The following BCR variants were observed in gnomAD, a reference collection of about 807,000 sequenced individuals.
BCR encodes BCR activator of RhoGEF and GTPase, also known as breakpoint cluster region protein.
A neutral mutation model predicts 138.6 loss-of-function variants in BCR; 58 were observed. That is an observed-to-expected ratio of 0.42 (90% CI 0.34 to 0.52). BCR has a LOEUF of 0.52. Among genes scored for constraint, BCR ranks in the 20% least tolerant of loss-of-function variants. The pLI is 0.06. For missense variants in BCR, 1,599 were observed against 1,727.2 expected, an observed-to-expected ratio of 0.93 and a Z score of 1.32; for synonymous variants, 786 against 730.1, an observed-to-expected ratio of 1.08 and a Z score of -1.23.
chr22:23,216,383 T>G (rs2072752202), intron 1 of BCR, among the ~76,000 whole-genome samples: 1 of 152,184 alleles, frequency 6.6e-6, no homozygotes, highest in South Asian at 2.1e-4. Context: ...TATGGTAGTA[T>G]TATGTGAAAT....
chr22:23,242,492 T>C (rs569494007), intron 1 of BCR, among the ~76,000 whole-genome samples: 1 of 152,196 alleles, frequency 6.6e-6, no homozygotes, highest in South Asian at 2.1e-4. Flanking sequence ...CCGGTGTATT[T>C]TGGGATGGCA....
chr22:23,225,431 G>A (rs1206881438), intron 1 of BCR, among the ~76,000 whole-genome samples: 1 of 152,256 alleles, frequency 6.6e-6, no homozygotes, highest in African/African-American at 2.4e-5. Context: ...CCAAAGGCGA[G>A]ACCGCTGGCT....
At position 23,289,544 on chromosome 22, in the gene BCR, T is replaced by A; in HGVS notation, c.2630T>A (p.Val877Glu). The change falls in exon 13 of 23, where the codon GTG (valine) becomes GAG (glutamate). Residue 877 changes from valine to glutamate, a missense_variant. Val to Glu is a moderately radical substitution (Grantham distance 121). This residue lies in a region of BCR where 590 missense variants were observed against 762.4 expected (regional missense o/e 0.77). Transcript: ENST00000305877. ...TTCAGAAGCTTCTCCCTGACATCCG[T>A]GGAGCTGCAGATGCTGACCAACTCG... ...KCFRSFSLTS[V>E]ELQMLTNSCV... is the part of the protein sequence containing the mutation. 1.2e-6 allele frequency: 2 copies of A among 1,614,194 alleles called. No individual in the cohort carries two copies. Among genetic ancestry groups the A allele is most frequent in the Non-Finnish European group, 1.7e-6 (2 of 1,180,020 alleles).
intron 1 of BCR, among the ~76,000 whole-genome samples, chr22:23,227,538 T>A (rs2072908819): frequency 6.6e-6 from 1 of 152,214 alleles, no homozygotes; most frequent in Non-Finnish European, 1.5e-5. Context: ...GAGATCCCCA[T>A]CTGGGAGGAG....
chr22:23,280,595 A>G (rs574842716), intron 8 of BCR, among the ~76,000 whole-genome samples: 7 of 152,176 alleles, frequency 4.6e-5, no homozygotes, highest in African/African-American at 1.7e-4. Flanking sequence ...TCACCCCATC[A>G]TGTTTAAGGA....
At chr22:23,225,197 T>G (rs1386723799) in intron 1 of BCR, among the ~76,000 whole-genome samples, 1 of 152,004 alleles carries the variant, frequency 6.6e-6, no homozygotes, top group Non-Finnish European at 1.5e-5. Flanking sequence ...GGTGCTTTTT[T>G]TTTTTTTTTC....
intron 15 of BCR, among the ~76,000 whole-genome samples, chr22:23,293,799 C>T (rs964614241): frequency 2.6e-5 from 4 of 152,098 alleles, no homozygotes; most frequent in Non-Finnish European, 5.9e-5. Context: ...TCCTGGCGCA[C>T]ACACACACCC....
chr22:23,301,602 C>T (rs764970422), intron 16 of BCR, among the ~76,000 whole-genome samples: 14 of 152,358 alleles, frequency 9.2e-5, no homozygotes, highest in Non-Finnish European at 1.3e-4. Flanking sequence ...TTCTCTGTCC[C>T]GTGACCTCAC....
At chr22:23,250,587 TAA>T (rs2073213500) in intron 1 of BCR, among the ~76,000 whole-genome samples, 1 of 152,150 alleles carries the variant, frequency 6.6e-6, no homozygotes, top group South Asian at 2.1e-4. Context: ...CAAGCTAATG[TAA>T]AAGCCAAGTC....
At chr22:23,228,183 AT>A (rs2072915245) in intron 1 of BCR, among the ~76,000 whole-genome samples, 1 of 152,162 alleles carries the variant, frequency 6.6e-6, no homozygotes, top group South Asian at 2.1e-4. Context: ...TTTAAAAAAA[AT>A]TTTAGAGACC....
At chr22:23,214,706 A>G (rs922120117) in intron 1 of BCR, among the ~76,000 whole-genome samples, 1 of 152,252 alleles carries the variant, frequency 6.6e-6, no homozygotes, top group Non-Finnish European at 1.5e-5. Flanking sequence ...TCCTTCTCAG[A>G]GCAGAGAAAC....
At chr22:23,212,873 C>T (rs914647349) in intron 1 of BCR, among the ~76,000 whole-genome samples, 2 of 152,204 alleles carry the variant, frequency 1.3e-5, no homozygotes, top group East Asian at 1.9e-4. Flanking sequence ...ATTGCCCAGA[C>T]CAGAATATGA....
chr22:23,292,122 T>G (rs2073794211), intron 14 of BCR, among the ~76,000 whole-genome samples: 1 of 152,202 alleles, frequency 6.6e-6, no homozygotes, highest in Non-Finnish European at 1.5e-5. Context: ...TGCCCCATAG[T>G]ACAGCGGGGT....
intron 1 of BCR, among the ~76,000 whole-genome samples, chr22:23,231,027 T>C (rs1294987017): frequency 6.6e-6 from 1 of 152,150 alleles, no homozygotes; most frequent in African/African-American, 2.4e-5. Flanking sequence ...GTGTCTTATT[T>C]CCCCCTCCAT....
chr22:23,273,193 A>G (rs1449730611), intron 7 of BCR, 60 bp downstream of exon 7: 28 of 1,559,474 alleles, frequency 1.8e-5, no homozygotes, highest in Non-Finnish European at 2.0e-5. Flanking sequence ...ACACACAGCA[A>G]CAATGTTCTG....
intron 2 of BCR, among the ~76,000 whole-genome samples, chr22:23,260,497 A>G (rs1334803428): frequency 6.6e-6 from 1 of 152,150 alleles, no homozygotes; most frequent in Non-Finnish European, 1.5e-5. Context: ...CAGAGAATCC[A>G]GGTGAGGCGG....
At position 23,264,577 on chromosome 22, in the gene BCR, A is replaced by T. The variant is rs1422114088; in HGVS notation, c.1752+3037A>T. On this transcript the variant is annotated intron_variant, in intron 4 of 22. Coordinates refer to ENST00000305877, the MANE Select transcript of BCR (RefSeq NM_004327.4). ...CCCAGGAACCTGTTGGAGAGGCAGG[A>T]CCTGCTGCTTTAGAGGAGTGCAGCT... 2.5e-5 allele frequency: 11 copies of T among 436,436 alleles called. No individual in the cohort carries two copies. The East Asian group carries it at 4.5e-4, about 18-fold the overall frequency. The allele number at this position is 436,436 out of a possible 1,614,324, so 27.0% of individuals were successfully genotyped here.
At chr22:23,245,299 TG>T (rs2146259367) in intron 1 of BCR, among the ~76,000 whole-genome samples, 1 of 152,154 alleles carries the variant, frequency 6.6e-6, no homozygotes, top group East Asian at 1.9e-4. Flanking sequence ...TTCCAGCCTA[TG>T]GGGGGCCTTG....
At chr22:23,292,941 A>C (rs2146309941) in intron 15 of BCR, among the ~76,000 whole-genome samples, 1 of 152,248 alleles carries the variant, frequency 6.6e-6, no homozygotes, top group Middle Eastern at 3.4e-3. Context: ...TTTACTTGGT[A>C]GGTTTCCATA....
Sources: allele counts gnomAD v4.1 joint callset (sites outside exome capture counted in the v4.1 genomes callset), GRCh38; gene constraint gnomAD v4.1.1; regional missense constraint gnomAD v4.1.1; transcripts MANE v1.5; gene names NCBI Gene and HGNC (gene_info 2026-07-23, HGNC 2026-07-21).